SPATA45: variants seen among roughly 807,000 people sequenced by gnomAD.
SPATA45 encodes spermatogenesis-associated protein 45.
SPATA45 carries 5 observed loss-of-function variants against 7.0 expected under a neutral mutation model. The ratio of observed to expected loss-of-function variants is 0.71; its 90% CI spans 0.37 to 1.50. The LOEUF is 1.50. Ranked by LOEUF, SPATA45 falls within the 40% of genes most tolerant of loss-of-function variation. The pLI, the probability that SPATA45 is intolerant of heterozygous loss-of-function variation, is 0.03. For synonymous variants in SPATA45, 40 were observed against 38.7 expected (o/e 1.03, Z -0.13); for missense variants, 111 against 114.9 (o/e 0.97, Z 0.16).
intron 2 of SPATA45, among the ~76,000 whole-genome samples, chr1:212,834,747 G>A (rs776362791): frequency 4.0e-5 from 6 of 151,562 alleles, no homozygotes; most frequent in Non-Finnish European, 8.9e-5. Flanking sequence ...CACCGCGCCC[G>A]GCCTCTCCAC....
At chr1:212,846,886 TTTTC>T (rs1663808051) in intron 1 of SPATA45, among the ~76,000 whole-genome samples, 2 of 152,224 alleles carry the variant, frequency 1.3e-5, no homozygotes, top group Admixed American at 6.5e-5. Context: ...CTTCTTTTTC[TTTTC>T]TTTTTTTCTC....
Position 212,835,887 on chromosome 1 carries a change from T to C in SPATA45, c.263A>G (p.His88Arg), listed in dbSNP as rs1376210194. The C allele has an allele frequency of 6.3e-7, 1 of 1,589,332 alleles. No individual in the cohort carries two copies. The highest frequency in any genetic ancestry group is 2.2e-5 in the East Asian group (1 of 44,718). Residue 88 changes from histidine to arginine, a missense_variant, in exon 2 of 3, where the codon CAC becomes CGC. By Grantham distance (29) the His-to-Arg change is conservative (BLOSUM62 0). Transcript: ENST00000332912. ...LSLLAHMERK[H>R]FPPKNNAIFG Reference sequence around the variant, plus strand: ...TAACTTCTTACTTTTTGGTGGAAAGTGCTTTCTCTCCATGTGAGCAAGGAG... The same window carrying C: ...TAACTTCTTACTTTTTGGTGGAAAGCGCTTTCTCTCCATGTGAGCAAGGAG...
intron 1 of SPATA45, among the ~76,000 whole-genome samples, chr1:212,842,648 C>G (rs1325994461): frequency 6.6e-6 from 1 of 152,156 alleles, no homozygotes; most frequent in East Asian, 1.9e-4. Context: ...CTTACCTTCT[C>G]TGGGCCTCAG....
intron 2 of SPATA45, among the ~76,000 whole-genome samples, chr1:212,834,668 C>A (rs112870794): frequency 0.025 from 3,845 of 151,698 alleles, 136 homozygotes; most frequent in African/African-American, 0.069. Flanking sequence ...CCAGGCTGGT[C>A]TCAAACTCCT....
intron 2 of SPATA45, among the ~76,000 whole-genome samples, chr1:212,831,662 G>A (rs1663490151): frequency 6.6e-6 from 1 of 151,324 alleles, no homozygotes; most frequent in African/African-American, 2.4e-5. Flanking sequence ...TTCTTTCCTA[G>A]TCTTCACGTC....
At chr1:212,838,778 G>A (rs1333557847) in intron 1 of SPATA45, among the ~76,000 whole-genome samples, 15 of 151,324 alleles carry the variant, frequency 9.9e-5, no homozygotes, top group African/African-American at 2.4e-5. Context: ...CATGGCTCAC[G>A]GCATCCTCGA....
chr1:212,836,124 TC>T lies in SPATA45; in HGVS notation c.25del (p.Glu9LysfsTer2). On this transcript the variant is annotated frameshift_variant, in exon 2 of 3. Coordinates refer to ENST00000332912, the MANE Select transcript of SPATA45 (RefSeq NM_001024601.3). LOFTEE classifies it high-confidence loss of function. ...GCTTACTCCATGTTTTTTCATTATT[TC>T]AATGGTTCTGTTTATAGATGCCATT... MASINRTI[E>X]IMKKHGVSKQ... The T allele has an allele frequency of 6.2e-7, 1 of 1,606,468 alleles. No homozygotes were observed. Among genetic ancestry groups the T allele is most frequent in the Non-Finnish European group, 8.5e-7 (1 of 1,173,564 alleles).
At chr1:212,847,023 T>C (rs1663810512) in intron 1 of SPATA45, among the ~76,000 whole-genome samples, 1 of 152,084 alleles carries the variant, frequency 6.6e-6, no homozygotes, top group African/African-American at 2.4e-5. Flanking sequence ...TCCAAGTAGC[T>C]GGAACTACAG....
chr1:212,843,557 C>T (rs972693284), intron 1 of SPATA45, among the ~76,000 whole-genome samples: 1 of 152,066 alleles, frequency 6.6e-6, no homozygotes, highest in Non-Finnish European at 1.5e-5. Context: ...TTGTAGGGTC[C>T]AGCGAAAATA....
rs545075464 is a variant in SPATA45, at chr1:212,846,572, G to A, written c.-39+1008C>T. On this transcript the variant is annotated intron_variant, in intron 1 of 2. Coordinates refer to ENST00000332912, the MANE Select transcript of SPATA45 (RefSeq NM_001024601.3). The stretch of plus-strand genomic sequence containing the variant: ...ATATATTCTCCCCTGCCCTTAAGAA[G>A]GTACTTTGTAATATTCTCCCCCCTC... Among the ~76,000 whole-genome samples, 7 of 152,150 alleles carry A rather than the reference G, an allele frequency of 4.6e-5. No individual in the cohort carries two copies. In the East Asian group the frequency reaches 5.8e-4, roughly 13 times the overall value.
chr1:212,835,296 G>T (rs1416490405), intron 2 of SPATA45, among the ~76,000 whole-genome samples: 1 of 151,576 alleles, frequency 6.6e-6, no homozygotes, highest in Non-Finnish European at 1.5e-5. Flanking sequence ...GGCCAAGGTG[G>T]GTGGATTACC....
intron 2 of SPATA45, among the ~76,000 whole-genome samples, chr1:212,832,359 CTTTTTTTT>C (rs34934655): frequency 1.7e-4 from 10 of 57,172 alleles, no homozygotes; most frequent in African/African-American, 7.0e-4. Flanking sequence ...GAAATCTAAG[CTTTTTTTT>C]TTTTTTTTTT....
At chr1:212,847,362 C>T (rs2487264) in intron 1 of SPATA45, among the ~76,000 whole-genome samples, 16,053 of 152,120 alleles carry the variant, frequency 0.11, 1,372 homozygotes, top group African/African-American at 0.24. Flanking sequence ...ATTGCTTTTG[C>T]GCCATCCATA....
At chr1:212,841,130 C>G (rs1038053069) in intron 1 of SPATA45, among the ~76,000 whole-genome samples, 2 of 151,900 alleles carry the variant, frequency 1.3e-5, no homozygotes, top group Non-Finnish European at 2.9e-5. Flanking sequence ...TTTTTAAATT[C>G]TTTTAGAGTG....
At chr1:212,845,080 T>C (rs1481822242) in intron 1 of SPATA45, among the ~76,000 whole-genome samples, 1 of 152,174 alleles carries the variant, frequency 6.6e-6, no homozygotes, top group Non-Finnish European at 1.5e-5. Context: ...AAGGAAAATA[T>C]CTCCTTCCAG....
At chr1:212,846,298 A>T (rs780345634) in intron 1 of SPATA45, among the ~76,000 whole-genome samples, 3 of 152,002 alleles carry the variant, frequency 2.0e-5, no homozygotes, top group African/African-American at 4.8e-5. Context: ...TTATCTCTCC[A>T]TACCACCCCC....
intron 1 of SPATA45, among the ~76,000 whole-genome samples, chr1:212,843,938 T>C (rs540768839): frequency 6.6e-6 from 1 of 152,260 alleles, no homozygotes; most frequent in South Asian, 2.1e-4. Flanking sequence ...CCCTCCATTA[T>C]TCTGTTCTAG....
At chr1:212,831,581 C>T (rs1383795372) in intron 2 of SPATA45, among the ~76,000 whole-genome samples, 1 of 151,308 alleles carries the variant, frequency 6.6e-6, no homozygotes, top group Non-Finnish European at 1.5e-5. Context: ...AATAAACTGC[C>T]CCCCTTTTGG....
At chr1:212,832,109 C>A (rs757178915) in intron 2 of SPATA45, among the ~76,000 whole-genome samples, 2 of 146,056 alleles carry the variant, frequency 1.4e-5, no homozygotes, top group Non-Finnish European at 3.0e-5. Flanking sequence ...ACCTCCTCCT[C>A]CCGGATTCCA....
Sources: gnomAD v4.1 joint callset for allele counts (sites outside exome capture counted in the v4.1 genomes callset) on GRCh38, gnomAD v4.1.1 for gene constraint, MANE v1.5 for transcripts, NCBI Gene and HGNC (gene_info 2026-07-23, HGNC 2026-07-21) for gene names.